Variants in ESPNL observed in about 807,000 individuals in gnomAD.
ESPNL encodes the protein espin-like protein.
Under a neutral mutation model 46.8 loss-of-function variants are expected in ESPNL, and 49 were observed. That is an observed-to-expected ratio of 1.05 (90% CI 0.83 to 1.33). ESPNL has a LOEUF of 1.33. ESPNL is among the 40% of genes most tolerant of loss of function. ESPNL has a pLI of 0.00. For missense variants in ESPNL, 1,540 were observed against 1,436.6 expected (o/e 1.07, Z -1.16); for synonymous variants, 664 against 662.1 (o/e 1.00, Z -0.04).
intron 6 of ESPNL, 43 bp downstream of exon 6, chr2:238,125,427 G>T: frequency 8.1e-7 from 1 of 1,236,326 alleles, no homozygotes; most frequent in Admixed American, 3.2e-5. Flanking sequence ...GCATGGGCCT[G>T]GGAGAGGGTG....
chr2:238,127,375 C>T (rs1692162341), intron 6 of ESPNL: 13 of 1,282,950 alleles, frequency 1.0e-5, no homozygotes, highest in Non-Finnish European at 1.2e-5. Context: ...GCAGGAGGGG[C>T]CGCGGCGTGG....
Position 238,130,483 on chromosome 2 carries a change from C to T in ESPNL, c.1769C>T (p.Pro590Leu). ...GTGGCCCCCGGGGTGCAGCCCCTGC[C>T]CTTCTGGTGCAGCCACATCTCCCGC... Reference protein sequence around the residue: ...SEVAPGVQPLPFWCSHISRLV... With the variant: ...SEVAPGVQPLLFWCSHISRLV... The change falls in exon 9 of 9, where the codon CCC (proline) becomes CTC (leucine). Residue 590 changes from proline to leucine, a missense_variant. By Grantham distance (98) the Pro-to-Leu change is moderately conservative. Transcript: ENST00000343063. 6.3e-7 allele frequency: 1 copy of T among 1,598,622 alleles called. No individual in the cohort carries two copies. Among genetic ancestry groups the T allele is most frequent in the Non-Finnish European group, 8.5e-7 (1 of 1,172,756 alleles).
rs753793058 is a variant in ESPNL at position 238,104,619 on chromosome 2, G to T, written c.486-37G>T. ...AGCCGAGGGATGGGCTCAGCCATAG[G>T]CAGGGACTGGGCCTCCAAACCCTCC... On this transcript the variant is annotated intron_variant, in intron 2 of 8. Transcript: ENST00000343063. 1.4e-5 allele frequency: 22 copies of T among 1,523,902 alleles called. No homozygotes were observed. In the East Asian group the frequency reaches 4.6e-4, roughly 32 times the overall value. The allele number at this position is 1,523,902 out of a possible 1,614,324, so 94.4% of individuals were successfully genotyped here. A position where few individuals can be genotyped will look rare whatever the true frequency, so the allele number is the denominator to read the frequency against.
chr2:238,126,993 G>C (rs1692148128), intron 6 of ESPNL, among the ~76,000 whole-genome samples: 1 of 148,510 alleles, frequency 6.7e-6, no homozygotes, highest in African/African-American at 2.5e-5. Context: ...GTCTATCTGT[G>C]TGTGATTGTG....
intron 3 of ESPNL, among the ~76,000 whole-genome samples, chr2:238,105,587 C>T (rs1021172744): frequency 1.3e-5 from 2 of 150,550 alleles, no homozygotes; most frequent in African/African-American, 4.9e-5. Flanking sequence ...TGAGGATGGA[C>T]AGGAGGCGGC....
chr2:238,104,702 G>T lies in ESPNL; in HGVS notation c.532G>T (p.Ala178Ser). 6.2e-7 allele frequency: 1 copy of T among 1,607,158 alleles called. No individual in the cohort carries two copies. Among genetic ancestry groups the T allele is most frequent in the Middle Eastern group, 2.2e-4 (1 of 4,588 alleles). Residue 178 changes from alanine (A) to serine (S), a missense_variant, in exon 3 of 9, where the codon GCC becomes TCC. Coordinates refer to ENST00000343063, the MANE Select transcript of ESPNL (RefSeq NM_194312.4). ...CAGTGGCGCCTCCCCACTCTACCTG[G>T]CCTGCCAGGAGGGCCACCTGCACCT... Reference protein sequence around the residue: ...TRSGASPLYLACQEGHLHLAQ... With the variant: ...TRSGASPLYLSCQEGHLHLAQ...
chr2:238,127,750 CT>C lies in ESPNL; in HGVS notation c.1215+17del, dbSNP rs1559267606. 1.3e-6 allele frequency: 2 copies of C among 1,590,260 alleles called. No homozygotes were observed. Among genetic ancestry groups the C allele is most frequent in the Non-Finnish European group, 1.7e-6 (2 of 1,166,894 alleles). On this transcript the variant is annotated intron_variant, in intron 7 of 8. Coordinates refer to ENST00000343063, the MANE Select transcript of ESPNL (RefSeq NM_194312.4). The stretch of plus-strand genomic sequence containing the variant: ...TGACCCCGAGGTTCGTCCTCCACCC[CT>C]GCATTCCTGTCTCCCGGGGCCCCTA...
intron 5 of ESPNL, among the ~76,000 whole-genome samples, chr2:238,119,189 GA>G (rs1271888602): frequency 4.1e-5 from 5 of 120,998 alleles, no homozygotes; most frequent in African/African-American, 1.2e-4. Flanking sequence ...GATGGAGGAG[GA>G]ATGGATGGAG....
At chr2:238,126,801 T>C (rs1287277476) in intron 6 of ESPNL, among the ~76,000 whole-genome samples, 1 of 151,720 alleles carries the variant, frequency 6.6e-6, no homozygotes, top group Non-Finnish European at 1.5e-5. Flanking sequence ...TGTTTGTGTA[T>C]GTCTGTTCTG....
chr2:238,129,622 G>A (rs1018016919), intron 8 of ESPNL, among the ~76,000 whole-genome samples: 2 of 152,248 alleles, frequency 1.3e-5, no homozygotes, highest in African/African-American at 4.8e-5. Flanking sequence ...TGTGCAGACA[G>A]GAGTTCAGGA....
chr2:238,129,240 A>G (rs1477762211), intron 8 of ESPNL: 9 of 1,230,410 alleles, frequency 7.3e-6, no homozygotes, highest in Non-Finnish European at 9.2e-6. Context: ...AGGTGCCGGC[A>G]GGTGTGTGGG....
intron 7 of ESPNL, 76 bp from the exon 8 acceptor site, chr2:238,128,631 A>G (rs1692197474): frequency 1.4e-6 from 2 of 1,445,290 alleles, no homozygotes; most frequent in African/African-American, 2.8e-5. Flanking sequence ...CCAACCCCCC[A>G]CGTCCTCTCG....
chr2:238,112,649 C>G (rs554604763), intron 4 of ESPNL, among the ~76,000 whole-genome samples: 2 of 152,302 alleles, frequency 1.3e-5, no homozygotes, highest in East Asian at 3.9e-4. Context: ...AAATTTTCCT[C>G]TAAGTACTGC....
chr2:238,102,141 C>G lies in ESPNL; in HGVS notation c.485+10C>G, dbSNP rs1322424361. The stretch of plus-strand genomic sequence containing the variant: ...CAGCCGCGCATGGCAGGTAAGGAGC[C>G]CAAAGTCCCGCCTGGGGGGGCAGCC... On this transcript the variant is annotated intron_variant, in intron 2 of 8. Coordinates refer to ENST00000343063, the MANE Select transcript of ESPNL (RefSeq NM_194312.4). 1.6e-5 allele frequency: 24 copies of G among 1,523,304 alleles called. No individual in the cohort carries two copies. In the Middle Eastern group the frequency reaches 7.0e-4, roughly 44 times the overall value. 94.4% of individuals were successfully genotyped at this position (1,523,304 alleles called of 1,614,324 possible).
intron 7 of ESPNL, 60 bp downstream of exon 7, chr2:238,127,794 T>G: frequency 7.6e-7 from 1 of 1,319,662 alleles, no homozygotes; most frequent in Non-Finnish European, 1.1e-6. Context: ...TCCATTCCCA[T>G]CCTCTTAGGG....
rs756810361 is a variant in ESPNL, at chr2:238,107,857, G to T, written c.739G>T (p.Ala247Ser). 141 of 1,610,044 alleles carry T rather than the reference G, an allele frequency of 8.8e-5. No homozygotes were observed. Among genetic ancestry groups the T allele is most frequent in the Non-Finnish European group, 1.2e-4 (139 of 1,178,720 alleles). ...NEGATALHFA[A>S]RGGHTPILDR... is the part of the protein sequence containing the mutation. ...GGGGGCCACGGCCCTGCACTTTGCA[G>T]CCCGAGGCGGCCACACGCCCATTCT... The change falls in exon 4 of 9, where the codon GCC becomes TCC. Residue 247 changes from alanine (A) to serine (S), a missense_variant. Coordinates refer to ENST00000343063, the MANE Select transcript of ESPNL (RefSeq NM_194312.4).
intron 6 of ESPNL, among the ~76,000 whole-genome samples, chr2:238,127,216 G>T (rs1692158512): frequency 6.6e-6 from 1 of 152,222 alleles, no homozygotes; most frequent in Non-Finnish European, 1.5e-5. Flanking sequence ...GCCTGGCTGT[G>T]ATGCAGACGT....
intron 2 of ESPNL, among the ~76,000 whole-genome samples, chr2:238,103,455 T>A (rs1483563010): frequency 6.6e-6 from 1 of 151,794 alleles, no homozygotes; most frequent in African/African-American, 2.4e-5. Flanking sequence ...CCAGGAGGCT[T>A]CATGTTAATA....
intron 5 of ESPNL, among the ~76,000 whole-genome samples, chr2:238,124,179 G>A (rs938214973): frequency 1.3e-5 from 2 of 152,354 alleles, no homozygotes. Context: ...AATCGTGGCC[G>A]ATTTGAGTGC....
Sources: gnomAD v4.1 joint callset for allele counts (sites outside exome capture counted in the v4.1 genomes callset) on GRCh38, gnomAD v4.1.1 for gene constraint, MANE v1.5 for transcripts, NCBI Gene and HGNC (gene_info 2026-07-23, HGNC 2026-07-21) for gene names.